The following ZNF282 variants were observed in gnomAD, a reference collection of about 807,000 sequenced individuals.
ZNF282 encodes zinc finger protein 282.
A neutral mutation model predicts 61.9 loss-of-function variants in ZNF282; 30 were observed. The observed-to-expected ratio is 0.48, with a 90% confidence interval of 0.36 to 0.66. The LOEUF (loss-of-function observed/expected upper bound fraction) is 0.66. ZNF282 is among the 30% of genes least tolerant of loss of function. ZNF282 has a pLI of 0.00. For synonymous variants in ZNF282, 396 were observed against 405.0 expected (o/e 0.98, Z 0.27); for missense variants, 788 against 941.4 (o/e 0.84, Z 2.13).
At chr7:149,213,175 G>A (rs1334385738) in intron 6 of ZNF282, among the ~76,000 whole-genome samples, 5 of 152,180 alleles carry the variant, frequency 3.3e-5, no homozygotes, top group Admixed American at 6.5e-5. Flanking sequence ...ACCATACCAG[G>A]GAGAGAGGAT....
intron 7 of ZNF282, among the ~76,000 whole-genome samples, chr7:149,216,837 T>C (rs915625231): frequency 5.3e-5 from 8 of 152,192 alleles, no homozygotes; most frequent in East Asian, 1.9e-4. Context: ...CTCAACCCAA[T>C]TGGATATTAC....
At position 149,224,782 on chromosome 7, in the gene ZNF282, G is replaced by A. The variant is rs920124171; in HGVS notation, c.*135G>A. The A allele has an allele frequency of 2.2e-6, 3 of 1,373,474 alleles. No homozygotes were observed. The highest frequency in any genetic ancestry group is 2.9e-6 in the Non-Finnish European group (3 of 1,044,072). 85.1% of individuals were successfully genotyped at this position (1,373,474 alleles called of 1,614,324 possible). A position where few individuals can be genotyped will look rare whatever the true frequency, so the allele number is the denominator to read the frequency against. ...TGCACTCCGGTTGGGGGTCCCCCAG[G>A]GTGGGGCAGGGATCCCCCAGATCTG... On this transcript the variant is annotated 3_prime_UTR_variant, in exon 8 of 8. Transcript: ENST00000610704.
intron 2 of ZNF282, among the ~76,000 whole-genome samples, chr7:149,199,078 C>T (rs1296282666): frequency 1.3e-5 from 2 of 152,268 alleles, no homozygotes; most frequent in South Asian, 2.1e-4. Flanking sequence ...CACCTACCAG[C>T]GATCATGTGT....
chr7:149,220,529 C>A (rs564752908), intron 7 of ZNF282, among the ~76,000 whole-genome samples: 4 of 152,356 alleles, frequency 2.6e-5, no homozygotes, highest in African/African-American at 9.6e-5. Context: ...GACCCAGGTT[C>A]TTTCCAATTC....
intron 7 of ZNF282, among the ~76,000 whole-genome samples, chr7:149,220,189 C>A (rs57174218): frequency 0.16 from 24,673 of 151,964 alleles, 4,044 homozygotes; most frequent in African/African-American, 0.43. Flanking sequence ...CGGGCGGATC[C>A]TGAGGTCAGG....
intron 3 of ZNF282, 150 bp from the exon 4 acceptor site, chr7:149,207,201 C>CTTCATAAG: frequency 3.0e-6 from 3 of 1,000,676 alleles, no homozygotes; most frequent in East Asian, 5.3e-5. Flanking sequence ...GACTCGTTTT[C>CTTCATAAG]AGATTACCCG....
At position 149,198,502 on chromosome 7, in the gene ZNF282, T is replaced by C; in HGVS notation, c.335T>C (p.Val112Ala). 1 of 1,613,924 alleles carries C rather than the reference T, an allele frequency of 6.2e-7. No homozygotes were observed. Among genetic ancestry groups the C allele is most frequent in the Non-Finnish European group, 8.5e-7 (1 of 1,179,940 alleles). Residue 112 changes from valine to alanine, a missense_variant, in exon 2 of 8, where the codon GTG becomes GCG. This residue lies in a region of ZNF282 where 92 missense variants were observed against 163.9 expected (regional missense o/e 0.56). Transcript: ENST00000610704. The surrounding 1 kb of genome is among the most constrained non-coding windows in gnomAD (Gnocchi z 4.3). ...VAAIQAVERK[V>A]DAQASQLLNL... ...GCCATTCAGGCTGTGGAGAGGAAGG[T>C]GGATGCCCAGGCCAGCCAGCTGCTG...
intron 2 of ZNF282, among the ~76,000 whole-genome samples, chr7:149,204,120 C>T (rs2058386651): frequency 6.6e-6 from 1 of 151,988 alleles, no homozygotes; most frequent in Non-Finnish European, 1.5e-5. Context: ...CACTCACGTA[C>T]CTGTTGGTGG....
chr7:149,221,037 A>C (rs1186041340), intron 7 of ZNF282, among the ~76,000 whole-genome samples: 1 of 151,330 alleles, frequency 6.6e-6, no homozygotes, highest in African/African-American at 2.4e-5. Context: ...CTCTCGCATC[A>C]GTCTTCTGAG....
At position 149,224,146 on chromosome 7, in the gene ZNF282, G is replaced by T; in HGVS notation, c.1515G>T (p.Arg505=). 6.6e-7 allele frequency: 1 copy of T among 1,511,236 alleles called. No individual in the cohort carries two copies. Among genetic ancestry groups the T allele is most frequent in the African/African-American group, 1.4e-5 (1 of 72,824 alleles). 93.6% of individuals were successfully genotyped at this position (1,511,236 alleles called of 1,614,324 possible). A position where few individuals can be genotyped will look rare whatever the true frequency, so the allele number is the denominator to read the frequency against. The change falls in exon 8 of 8, where the codon CGG becomes CGT. Residue 505 remains arginine (R), a synonymous_variant. Transcript: ENST00000610704. ...GCAGCTGCTGCCCTGGCGGGCTGCG[G>T]CGGAGCCTCCTCCTGCACGGCGCCC... is the stretch of plus-strand genomic sequence containing the variant. The part of the protein sequence containing the change: ...GCGSCCPGGL[R]RSLLLHGARS...
intron 2 of ZNF282, among the ~76,000 whole-genome samples, chr7:149,204,693 G>A (rs1203606096): frequency 6.6e-6 from 1 of 152,168 alleles, no homozygotes; most frequent in Non-Finnish European, 1.5e-5. Flanking sequence ...TGAAACGTTT[G>A]AAACAAGCCT....
At chr7:149,214,765 C>T (rs933846737) in intron 7 of ZNF282, among the ~76,000 whole-genome samples, 2 of 152,120 alleles carry the variant, frequency 1.3e-5, no homozygotes, top group African/African-American at 2.4e-5. Context: ...CCTGGGAGGT[C>T]ATGGCTGCAA....
Position 149,207,389 on chromosome 7 carries a change from C to G in ZNF282, c.751C>G (p.Gln251Glu), listed in dbSNP as rs778664388. 2 of 1,582,546 alleles carry G rather than the reference C, an allele frequency of 1.3e-6. No homozygotes were observed. Among genetic ancestry groups the G allele is most frequent in the South Asian group, 1.2e-5 (1 of 86,948 alleles). The change falls in exon 4 of 8, where the codon CAG becomes GAG. Residue 251 changes from glutamine to glutamate, a missense_variant. Physicochemically the swap from Gln to Glu is conservative, Grantham distance 29 (BLOSUM62 2). Transcript: ENST00000610704. ...GSVPKPDAPV[Q>E]AEPREEPCVW... Reference sequence around the variant, plus strand: ...AGTCCCCAAGCCAGATGCTCCAGTCCAGGCTGAGCCCAGGGAAGAACCTTG... The same window carrying G: ...AGTCCCCAAGCCAGATGCTCCAGTCGAGGCTGAGCCCAGGGAAGAACCTTG...
chr7:149,201,920 C>G (rs1421850221), intron 2 of ZNF282, among the ~76,000 whole-genome samples: 2 of 152,132 alleles, frequency 1.3e-5, no homozygotes, highest in East Asian at 3.9e-4. Context: ...CACGTGCGCC[C>G]CCAGCTCAGG....
chr7:149,207,884 C>T (rs1429617462), intron 4 of ZNF282, among the ~76,000 whole-genome samples: 1 of 152,226 alleles, frequency 6.6e-6, no homozygotes, highest in African/African-American at 2.4e-5. Context: ...GTCATCACCT[C>T]ATTCGTCGGC....
Position 149,224,850 on chromosome 7 carries a change from C to T in ZNF282, c.*203C>T, listed in dbSNP as rs1028924310. On this transcript the variant is annotated 3_prime_UTR_variant, in exon 8 of 8. Coordinates refer to ENST00000610704, the MANE Select transcript of ZNF282 (RefSeq NM_003575.4). The stretch of plus-strand genomic sequence containing the variant: ...CCCAGCTCATCTAGGGTGGACCCAG[C>T]TGCTGGGGAAGAGCCAGGGGGACCG... 6.9e-6 allele frequency: 7 copies of T among 1,009,590 alleles called. No individual in the cohort carries two copies. Among genetic ancestry groups the T allele is most frequent in the Non-Finnish European group, 8.3e-6 (6 of 720,422 alleles). The allele number at this position is 1,009,590 out of a possible 1,614,324, so 62.5% of individuals were successfully genotyped here.
chr7:149,201,260 C>T (rs1350466579), intron 2 of ZNF282, among the ~76,000 whole-genome samples: 1 of 152,182 alleles, frequency 6.6e-6, no homozygotes, highest in African/African-American at 2.4e-5. Context: ...TATCCACAAC[C>T]TGGCCACTCC....
At position 149,224,924 on chromosome 7, in the gene ZNF282, C is replaced by G. The variant is rs956482752; in HGVS notation, c.*277C>G. On this transcript the variant is annotated 3_prime_UTR_variant, in exon 8 of 8. Coordinates refer to ENST00000610704, the MANE Select transcript of ZNF282 (RefSeq NM_003575.4). ...ACCGCCCTCACACCTCCTCGAGTGCCCTGGGACCACTGGGCCACAGATGGT... is the reference window on the plus strand; with the variant it reads ...ACCGCCCTCACACCTCCTCGAGTGCGCTGGGACCACTGGGCCACAGATGGT... 1 of 468,504 alleles carries G rather than the reference C, an allele frequency of 2.1e-6. No homozygotes were observed. The highest frequency in any genetic ancestry group is 3.7e-6 in the Non-Finnish European group (1 of 267,580). The allele number at this position is 468,504 out of a possible 1,614,324, so 29.0% of individuals were successfully genotyped here.
chr7:149,197,427 T>C (rs1020789620), intron 1 of ZNF282, among the ~76,000 whole-genome samples: 2 of 152,224 alleles, frequency 1.3e-5, no homozygotes, highest in African/African-American at 2.4e-5. Flanking sequence ...CTCTCCGGTC[T>C]TTTCCTTGAC....
Sources: gnomAD v4.1 joint callset for allele counts (sites outside exome capture counted in the v4.1 genomes callset) on GRCh38, gnomAD v4.1.1 for gene constraint, gnomAD v4.1.1 regional missense constraint, Gnocchi (gnomAD v3.1) non-coding constraint, MANE v1.5 for transcripts, NCBI Gene and HGNC (gene_info 2026-07-23, HGNC 2026-07-21) for gene names.